Variants in CASZ1 observed in about 807,000 individuals in gnomAD.
CASZ1 encodes the protein zinc finger protein castor homolog 1.
Under a neutral mutation model 135.2 loss-of-function variants are expected in CASZ1, and 28 were observed. The ratio of observed to expected loss-of-function variants is 0.21; its 90% CI spans 0.15 to 0.28. The LOEUF (loss-of-function observed/expected upper bound fraction) is 0.28. Among genes scored for constraint, CASZ1 ranks in the 10% least tolerant of loss-of-function variants. The pLI is 1.00. For missense variants in CASZ1, 2,161 were observed against 2,453.3 expected (o/e 0.88, Z 2.52); for synonymous variants, 1,068 against 1,073.4 (o/e 0.99, Z 0.10).
intron 2 of CASZ1, among the ~76,000 whole-genome samples, chr1:10,740,005 G>C (rs1050887896): frequency 6.6e-6 from 1 of 152,138 alleles, no homozygotes. Context: ...GTGTCACAGC[G>C]TGTCCTCATT....
rs1461663825 is a variant in CASZ1 at position 10,727,812 on chromosome 1, C to T, written c.-76-22268G>A. On this transcript the variant is annotated intron_variant, in intron 2 of 20. Coordinates refer to ENST00000377022, the MANE Select transcript of CASZ1 (RefSeq NM_001079843.3). This position sits in a 1 kb window ranked among gnomAD's most constrained non-coding sequence, Gnocchi z 5.3. ...CCCTCAGCCCTTGCCCAGACTGTGCCGACCTGGGAACCTGTGGAGCCCCTG... is the reference window on the plus strand; with the variant it reads ...CCCTCAGCCCTTGCCCAGACTGTGCTGACCTGGGAACCTGTGGAGCCCCTG... Among the ~76,000 whole-genome samples the T allele has an allele frequency of 2.6e-5, 4 of 152,210 alleles. No homozygotes were observed. The highest frequency in any genetic ancestry group is 4.1e-4 in the South Asian group (2 of 4,832).
At chr1:10,770,043 A>T (rs1640547336) in intron 1 of CASZ1, among the ~76,000 whole-genome samples, 1 of 152,050 alleles carries the variant, frequency 6.6e-6, no homozygotes, top group South Asian at 2.1e-4. Flanking sequence ...AACTCACAAA[A>T]CACATTTTTA....
At position 10,645,025 on chromosome 1, in the gene CASZ1, T is replaced by G; in HGVS notation, c.3760A>C (p.Asn1254His). Residue 1254 changes from asparagine (N) to histidine (H), a missense_variant, in exon 18 of 21, where the codon AAC (asparagine) becomes CAC (histidine). Asn to His is a moderately conservative substitution (Grantham distance 68). Around this residue, in one of 7 missense-constraint regions of CASZ1, gnomAD observed 349 missense variants for 460.8 expected, o/e 0.76. Coordinates refer to ENST00000377022, the MANE Select transcript of CASZ1 (RefSeq NM_001079843.3). Reference protein sequence around the residue: ...CLRTGCYFVTNITTKLPWHIK... With the variant: ...CLRTGCYFVTHITTKLPWHIK... ...TGCCAGGGGAGCTTGGTGGTGATGTTGGTCACAAAATAGCAGCCGGTGCGG... is the reference window on the plus strand; with the variant it reads ...TGCCAGGGGAGCTTGGTGGTGATGTGGGTCACAAAATAGCAGCCGGTGCGG... 5 of 1,614,036 alleles carry G rather than the reference T, an allele frequency of 3.1e-6. No homozygotes were observed. The highest frequency in any genetic ancestry group is 4.2e-6 in the Non-Finnish European group (5 of 1,179,994).
rs1642382067 is a variant in CASZ1 at position 10,647,012 on chromosome 1, G to C, written c.3498-686C>G. 6.6e-6 allele frequency among the ~76,000 whole-genome samples: 1 copy of C among 151,790 alleles called. No homozygotes were observed. Among genetic ancestry groups the C allele is most frequent in the Admixed American group, 6.5e-5 (1 of 15,278 alleles). Reference sequence around the variant, plus strand: ...ACACTGGTCCCAGCCTTCAACTCTGGTTGGCAACACTGTAGTCCCCTCCCA... The same window carrying C: ...ACACTGGTCCCAGCCTTCAACTCTGCTTGGCAACACTGTAGTCCCCTCCCA... On this transcript the variant is annotated intron_variant, in intron 16 of 20. Coordinates refer to ENST00000377022, the MANE Select transcript of CASZ1 (RefSeq NM_001079843.3). This position sits in a 1 kb window ranked among gnomAD's most constrained non-coding sequence, Gnocchi z 4.9.
At position 10,794,878 on chromosome 1, in the gene CASZ1, G is replaced by A. The variant is rs12089638; in HGVS notation, c.-234+1686C>T. Among the ~76,000 whole-genome samples the A allele has an allele frequency of 9.1e-3, 1,380 of 151,276 alleles. 23 individuals are homozygous for A. Among genetic ancestry groups the A allele is most frequent in the African/African-American group, 0.032 (1,322 of 41,428 alleles). On this transcript the variant is annotated intron_variant, in intron 1 of 20. Coordinates refer to ENST00000377022, the MANE Select transcript of CASZ1 (RefSeq NM_001079843.3). The surrounding 1 kb of genome is among the most constrained non-coding windows in gnomAD (Gnocchi z 5.6). Reference sequence around the variant, plus strand: ...CGCCCAAACGCTCCGCAGCGGCCCAGCAACCGCCCGCCCGCCCGCGCCCGG... The same window carrying A: ...CGCCCAAACGCTCCGCAGCGGCCCAACAACCGCCCGCCCGCCCGCGCCCGG...
chr1:10,698,610 G>A (rs1638993827), intron 3 of CASZ1, among the ~76,000 whole-genome samples: 1 of 152,142 alleles, frequency 6.6e-6, no homozygotes, highest in African/African-American at 2.4e-5. Flanking sequence ...CGGCTCCGAA[G>A]CAGGCTCCCC....
rs754140708 is a variant in CASZ1, at chr1:10,649,385, G to A, written c.2933C>T (p.Ala978Val). 14 of 1,609,550 alleles carry A rather than the reference G, an allele frequency of 8.7e-6. No individual in the cohort carries two copies. Among genetic ancestry groups the A allele is most frequent in the African/African-American group, 1.3e-5 (1 of 74,956 alleles). Reference protein sequence around the residue: ...LGSLLNIKAEAEGSPAAEPSP... With the variant: ...LGSLLNIKAEVEGSPAAEPSP... ...GGGCTCCGCAGCGGGGCTCCCCTCC[G>A]CTTCCGCCTTGATGTTCAGCAGGCT... The change falls in exon 14 of 21, where the codon GCG becomes GTG. Residue 978 changes from alanine to valine, a missense_variant. This residue lies in a region of CASZ1 where 406 missense variants were observed against 387.6 expected (regional missense o/e 1.05). Coordinates refer to ENST00000377022, the MANE Select transcript of CASZ1 (RefSeq NM_001079843.3).
In CASZ1 at chr1:10,719,220, G is replaced by A. The variant is rs541832216; in HGVS notation, c.-76-13676C>T. Among the ~76,000 whole-genome samples, 5 of 152,272 alleles carry A rather than the reference G, an allele frequency of 3.3e-5. No homozygotes were observed. Among genetic ancestry groups the A allele is most frequent in the East Asian group, 1.9e-4 (1 of 5,174 alleles). The stretch of plus-strand genomic sequence containing the variant: ...GGCGTGAGCCACCGCACCCGGCCCC[G>A]TGCCCCTTTCTTGTAAGGGGAGAGC... On this transcript the variant is annotated intron_variant, in intron 2 of 20. Transcript: ENST00000377022. The surrounding 1 kb of genome is among the most constrained non-coding windows in gnomAD (Gnocchi z 4.0).
chr1:10,715,817 T>C (rs377048058), intron 2 of CASZ1, among the ~76,000 whole-genome samples: 70 of 33,090 alleles, frequency 2.1e-3, no homozygotes, highest in Admixed American at 2.8e-3. Context: ...CCCCACAGCA[T>C]CCAATCCGCA....
At position 10,638,947 on chromosome 1, in the gene CASZ1, G is replaced by A; in HGVS notation, c.5275C>T (p.Pro1759Ser). 1 of 980,762 alleles carries A rather than the reference G, an allele frequency of 1.0e-6. No homozygotes were observed. Among genetic ancestry groups the A allele is most frequent in the South Asian group, 4.6e-5 (1 of 21,902 alleles). The allele number at this position is 980,762 out of a possible 1,614,324, so 60.8% of individuals were successfully genotyped here. A position where few individuals can be genotyped will look rare whatever the true frequency, so the allele number is the denominator to read the frequency against. Residue 1759 changes from proline to serine, a missense_variant, in exon 21 of 21, where the codon CCC (proline) becomes TCC (serine). Around this residue, in one of 7 missense-constraint regions of CASZ1, gnomAD observed 185 missense variants for 134.7 expected, o/e 1.37. Coordinates refer to ENST00000377022, the MANE Select transcript of CASZ1 (RefSeq NM_001079843.3). The surrounding 1 kb of genome is among the most constrained non-coding windows in gnomAD (Gnocchi z 5.9). ...PGPAPTAASS[P>S] ...AGGGCCACCCGCGGGCGCCGCTAGG[G>A]CGAGGAGGCTGCAGTGGGCGCGGGG...
chr1:10,744,359 G>T (rs532894395), intron 2 of CASZ1, among the ~76,000 whole-genome samples: 1 of 151,358 alleles, frequency 6.6e-6, no homozygotes, highest in Non-Finnish European at 1.5e-5. Flanking sequence ...CCACGAGCAG[G>T]CATGTCCTGG....
chr1:10,659,910 C>A lies in CASZ1; in HGVS notation c.1132G>T (p.Val378Phe), dbSNP rs137936205. The change falls in exon 6 of 21, where the codon GTC becomes TTC. Residue 378 changes from valine to phenylalanine, a missense_variant. Around this residue, in one of 7 missense-constraint regions of CASZ1, gnomAD observed 590 missense variants for 609.8 expected, o/e 0.97. Transcript: ENST00000377022. ...GGGCCTGGCTTCTGGATGCCCCGGA[C>A]GTCGTACTTGGAAGGGCGCCCCACC... ...GKVGRPSKYD[V>F]RGIQKPGPAK... is the part of the protein sequence containing the mutation. The A allele has an allele frequency of 1.2e-6, 2 of 1,611,818 alleles. No homozygotes were observed. Among genetic ancestry groups the A allele is most frequent in the Non-Finnish European group, 1.7e-6 (2 of 1,179,476 alleles).
intron 3 of CASZ1, among the ~76,000 whole-genome samples, chr1:10,695,663 C>T (rs979635263): frequency 1.3e-4 from 19 of 151,454 alleles, no homozygotes; most frequent in African/African-American, 4.4e-4. Context: ...CATGGCCAGC[C>T]AGGCGCTTTG....
At chr1:10,669,274 C>A (rs1012763771) in intron 4 of CASZ1, among the ~76,000 whole-genome samples, 7 of 152,222 alleles carry the variant, frequency 4.6e-5, no homozygotes, top group African/African-American at 1.7e-4. Context: ...CCATTAGGGC[C>A]CCTAAGCCGG....
Position 10,788,741 on chromosome 1 carries a change from C to T in CASZ1, c.-234+7823G>A, listed in dbSNP as rs910071309. Reference sequence around the variant, plus strand: ...CTGCCCCGGCCTCATCCTTGCTTTGCCTGGAAGCTGGTCACTGGCAGGGCT... The same window carrying T: ...CTGCCCCGGCCTCATCCTTGCTTTGTCTGGAAGCTGGTCACTGGCAGGGCT... On this transcript the variant is annotated intron_variant, in intron 1 of 20. Coordinates refer to ENST00000377022, the MANE Select transcript of CASZ1 (RefSeq NM_001079843.3). This position sits in a 1 kb window ranked among gnomAD's most constrained non-coding sequence, Gnocchi z 4.1. Among the ~76,000 whole-genome samples, 1 of 152,192 alleles carries T rather than the reference C, an allele frequency of 6.6e-6. No individual in the cohort carries two copies. Among genetic ancestry groups the T allele is most frequent in the Non-Finnish European group, 1.5e-5 (1 of 68,038 alleles).
At chr1:10,641,869 C>G (rs1402765858) in intron 20 of CASZ1, among the ~76,000 whole-genome samples, 1 of 152,214 alleles carries the variant, frequency 6.6e-6, no homozygotes, top group East Asian at 1.9e-4. Flanking sequence ...GGATGGAGAC[C>G]ACGCTCTCTA....
rs1006621622 is a variant in CASZ1 at position 10,735,173 on chromosome 1, C to T, written c.-77+25528G>A. Among the ~76,000 whole-genome samples, 5 of 152,102 alleles carry T rather than the reference C, an allele frequency of 3.3e-5. No homozygotes were observed. The highest frequency in any genetic ancestry group is 7.2e-5 in the African/African-American group (3 of 41,406). ...TAACTGAATTTTGATGAAAAGACGG[C>T]GGTAATTTACGGCATCACAAAATTA... On this transcript the variant is annotated intron_variant, in intron 2 of 20. Coordinates refer to ENST00000377022, the MANE Select transcript of CASZ1 (RefSeq NM_001079843.3). The surrounding 1 kb of genome is among the most constrained non-coding windows in gnomAD (Gnocchi z 5.1).
At chr1:10,689,086 G>A (rs1437016213) in intron 4 of CASZ1, among the ~76,000 whole-genome samples, 1 of 152,208 alleles carries the variant, frequency 6.6e-6, no homozygotes, top group Non-Finnish European at 1.5e-5. Flanking sequence ...GAGCCTTGGG[G>A]CCTGGGGGCA....
Position 10,727,895 on chromosome 1 carries a change from C to T in CASZ1, c.-76-22351G>A, listed in dbSNP as rs186388136. On this transcript the variant is annotated intron_variant, in intron 2 of 20. Coordinates refer to ENST00000377022, the MANE Select transcript of CASZ1 (RefSeq NM_001079843.3). This position sits in a 1 kb window ranked among gnomAD's most constrained non-coding sequence, Gnocchi z 5.3. ...GGGTGAGCTGGGGGGAGAACTCAGG[C>T]TTGCCATGCCCCGGCACCATGCCAA... is the stretch of plus-strand genomic sequence containing the variant. 9.9e-4 allele frequency among the ~76,000 whole-genome samples: 151 copies of T among 152,374 alleles called. No individual in the cohort carries two copies. The highest frequency in any genetic ancestry group is 3.4e-3 in the African/African-American group (141 of 41,600).
Sources: gnomAD v4.1 joint callset for allele counts (sites outside exome capture counted in the v4.1 genomes callset) on GRCh38, gnomAD v4.1.1 for gene constraint, gnomAD v4.1.1 regional missense constraint, Gnocchi (gnomAD v3.1) non-coding constraint, MANE v1.5 for transcripts, NCBI Gene and HGNC (gene_info 2026-07-23, HGNC 2026-07-21) for gene names.